NARF: variants seen among roughly 807,000 people sequenced by gnomAD.
The protein encoded by NARF is nuclear prelamin A recognition factor.
NARF carries 41 observed loss-of-function variants against 48.0 expected under a neutral mutation model. That is an observed-to-expected ratio of 0.85 (90% confidence interval 0.66 to 1.11). The LOEUF (loss-of-function observed/expected upper bound fraction) is 1.11, where lower values mean the gene tolerates loss of function less well. NARF is among the 50% of genes least tolerant of loss of function. The pLI is 0.00. For missense variants in NARF, 613 were observed against 590.2 expected (o/e 1.04, Z -0.40); for synonymous variants, 215 against 225.5 (o/e 0.95, Z 0.42).
chr17:82,472,763 G>T, intron 5 of NARF, 65 bp downstream of exon 5: 2 of 1,553,460 alleles, frequency 1.3e-6, no homozygotes, highest in East Asian at 4.6e-5. Context: ...AGATTCTGCA[G>T]GCTCTAGATG....
chr17:82,462,160 G>A (rs2043454566), intron 2 of NARF, among the ~76,000 whole-genome samples: 1 of 152,202 alleles, frequency 6.6e-6, no homozygotes, highest in Admixed American at 6.5e-5. Flanking sequence ...GCCTAAGTGG[G>A]CGCCCTGCCA....
intron 4 of NARF, among the ~76,000 whole-genome samples, chr17:82,471,643 T>G (rs1335905318): frequency 5.1e-4 from 64 of 125,738 alleles, no homozygotes; most frequent in East Asian, 1.8e-3. Context: ...ATACAAAAAA[T>G]TAGCCGGGCG....
chr17:82,458,877 G>T lies in NARF; in HGVS notation c.27+47G>T, dbSNP rs749616068. ...GGCGCGCGCCTGGTGCTTGTCCTGT[G>T]GGGCTCTGGGCGGCCGAGGTTGGCG... On this transcript the variant is annotated intron_variant, in intron 1 of 10. Coordinates refer to ENST00000309794, the MANE Select transcript of NARF (RefSeq NM_012336.4). 2.2e-5 allele frequency: 29 copies of T among 1,347,006 alleles called. No homozygotes were observed. In the South Asian group the frequency reaches 5.5e-4, roughly 25 times the overall value. 83.4% of individuals were successfully genotyped at this position (1,347,006 alleles called of 1,614,324 possible).
At chr17:82,466,256 T>G (rs2043564639) in intron 3 of NARF, among the ~76,000 whole-genome samples, 1 of 152,216 alleles carries the variant, frequency 6.6e-6, no homozygotes, top group South Asian at 2.1e-4. Context: ...GCAGCCATCC[T>G]GGTCACATTC....
chr17:82,484,697 T>G lies in NARF; in HGVS notation c.834-116T>G. The G allele has an allele frequency of 3.8e-6, 5 of 1,318,914 alleles. No homozygotes were observed. In the South Asian group the frequency reaches 5.9e-5, roughly 16 times the overall value. The allele number at this position is 1,318,914 out of a possible 1,614,324, so 81.7% of individuals were successfully genotyped here. A position where few individuals can be genotyped will look rare whatever the true frequency, so the allele number is the denominator to read the frequency against. ...GCAAAGTTTAAACATCTGTACAGGA[T>G]TTAGCTTCTTTGGTGGCGAACTTGG... On this transcript the variant is annotated intron_variant, in intron 8 of 10. Coordinates refer to ENST00000309794, the MANE Select transcript of NARF (RefSeq NM_012336.4).
At position 82,481,207 on chromosome 17, in the gene NARF, A is replaced by G. The variant is rs1309708277; in HGVS notation, c.765A>G (p.Thr255=). ...HGSRGADCVL[T]SGEIAQIMEQ... ...CCCGGGGCGCTGACTGCGTGTTAAC[A>G]TCAGGTGAGAGGTGGGCGGGGGTGC... Residue 255 remains threonine (T), a synonymous_variant, in exon 7 of 11, where the codon ACA becomes ACG. Coordinates refer to ENST00000309794, the MANE Select transcript of NARF (RefSeq NM_012336.4). 1.2e-6 allele frequency: 2 copies of G among 1,613,804 alleles called. No homozygotes were observed. Among genetic ancestry groups the G allele is most frequent in the Non-Finnish European group, 1.7e-6 (2 of 1,179,990 alleles).
chr17:82,458,938 C>G, intron 1 of NARF, 108 bp downstream of exon 1: 6 of 1,232,606 alleles, frequency 4.9e-6, no homozygotes, highest in Non-Finnish European at 6.1e-6. Context: ...CAGGGCTCTT[C>G]AAGGCGCCCC....
At chr17:82,483,917 G>T in intron 8 of NARF, 138 bp downstream of exon 8, 1 of 716,832 alleles carries the variant, frequency 1.4e-6, no homozygotes, top group South Asian at 1.7e-5. Context: ...CCAGGCCCCT[G>T]CCACAACCCT....
At chr17:82,487,864 G>T in intron 10 of NARF, 52 bp from the exon 11 acceptor site, 1 of 1,534,470 alleles carries the variant, frequency 6.5e-7, no homozygotes, top group South Asian at 1.1e-5. Flanking sequence ...AGGAAGCTAA[G>T]GCAGAAAGAT....
intron 3 of NARF, among the ~76,000 whole-genome samples, chr17:82,467,804 G>A (rs189554688): frequency 2.6e-4 from 40 of 152,170 alleles, no homozygotes; most frequent in Non-Finnish European, 4.1e-4. Flanking sequence ...ATGCCCAGCC[G>A]GGCTGATGAC....
intron 4 of NARF, among the ~76,000 whole-genome samples, chr17:82,471,398 TGAG>T (rs1156259052): frequency 7.1e-6 from 1 of 141,068 alleles, no homozygotes; most frequent in Admixed American, 7.5e-5. Context: ...GAGCTTGCAG[TGAG>T]CCGAGATCAC....
At chr17:82,461,332 C>G (rs1034579240) in intron 2 of NARF, among the ~76,000 whole-genome samples, 2 of 152,132 alleles carry the variant, frequency 1.3e-5, no homozygotes, top group African/African-American at 4.8e-5. Context: ...GATTTTACAG[C>G]CAGGCATGGT....
At chr17:82,478,110 C>T (rs927902592) in intron 5 of NARF, among the ~76,000 whole-genome samples, 2 of 152,126 alleles carry the variant, frequency 1.3e-5, no homozygotes, top group African/African-American at 4.8e-5. Context: ...CTGTGATGTT[C>T]TTATGCACTC....
At chr17:82,487,836 C>T in intron 10 of NARF, 80 bp from the exon 11 acceptor site, 1 of 1,296,094 alleles carries the variant, frequency 7.7e-7, no homozygotes, top group East Asian at 4.7e-5. Flanking sequence ...TGGTGTGTGT[C>T]TGTAGTTCTA....
chr17:82,470,932 G>GT (rs1434746303), intron 4 of NARF, among the ~76,000 whole-genome samples: 3 of 151,000 alleles, frequency 2.0e-5, no homozygotes, highest in South Asian at 2.1e-4. Context: ...GGAGGCCGAG[G>GT]GGGCAGATCA....
intron 8 of NARF, 29 bp downstream of exon 8, chr17:82,483,808 T>TG (rs749674123): frequency 1.2e-5 from 20 of 1,608,920 alleles, no homozygotes; most frequent in Non-Finnish European, 1.7e-5. Context: ...GAGAGTCCTC[T>TG]GGGGGGCAGG....
intron 6 of NARF, 98 bp downstream of exon 6, chr17:82,479,016 A>G (rs1316371482): frequency 1.7e-6 from 2 of 1,158,418 alleles, no homozygotes; most frequent in Non-Finnish European, 2.4e-6. Context: ...CAGCGTGGTC[A>G]CGGCCCCCCA....
At chr17:82,480,714 C>T in intron 6 of NARF, 1 of 440,506 alleles carries the variant, frequency 2.3e-6, no homozygotes, top group Non-Finnish European at 4.0e-6. Flanking sequence ...GGCAGATTGC[C>T]TGAGCTCAGG....
At position 82,472,671 on chromosome 17, in the gene NARF, C is replaced by T. The variant is rs1159417585; in HGVS notation, c.493C>T (p.Leu165=). The change falls in exon 5 of 11, where the codon CTG becomes TTG. Residue 165 remains leucine (L), a synonymous_variant. Transcript: ENST00000309794. ...YRQHSEEERT[L]PMLTSACPGW... ...CCAGCACAGTGAGGAGGAACGCACC[C>T]TGCCCATGCTGACCTCTGCCTGTCC... 6.2e-7 allele frequency: 1 copy of T among 1,613,760 alleles called. No individual in the cohort carries two copies.
Sources: gnomAD v4.1 joint callset for allele counts (sites outside exome capture counted in the v4.1 genomes callset) on GRCh38, gnomAD v4.1.1 for gene constraint, MANE v1.5 for transcripts, NCBI Gene and HGNC (gene_info 2026-07-23, HGNC 2026-07-21) for gene names.